The following NAALADL2 variants were observed in gnomAD, a reference collection of about 807,000 sequenced individuals.
The protein encoded by NAALADL2 is N-acetylated alpha-linked acidic dipeptidase like 2, also known as inactive N-acetylated-alpha-linked acidic dipeptidase-like protein 2.
A neutral mutation model predicts 87.2 loss-of-function variants in NAALADL2; 76 were observed. The observed-to-expected ratio is 0.87, with a 90% CI of 0.72 to 1.05. The LOEUF is 1.05. NAALADL2 is among the 50% of genes least tolerant of loss of function. The pLI is 0.00. For missense variants in NAALADL2, 1,089 were observed against 945.8 expected, an observed-to-expected ratio of 1.15 and a Z score of -1.99; for synonymous variants, 354 against 331.0, an observed-to-expected ratio of 1.07 and a Z score of -0.75.
At chr3:175,689,501 T>A (rs1036713726) in intron 11 of NAALADL2, among the ~76,000 whole-genome samples, 13 of 152,150 alleles carry the variant, frequency 8.5e-5, no homozygotes, top group Non-Finnish European at 1.6e-4. Flanking sequence ...GATTGAGTTT[T>A]AACCAGGAGC....
intron 1 of NAALADL2, among the ~76,000 whole-genome samples, chr3:174,534,657 T>C (rs1721560942): frequency 6.6e-6 from 1 of 152,194 alleles, no homozygotes; most frequent in South Asian, 2.1e-4. Flanking sequence ...ACTGGCTAGC[T>C]ATGGCTAACA....
In NAALADL2 at chr3:175,807,213, GAAC is replaced by G. The variant is rs757874885; in HGVS notation, c.*4015_*4017del. On this transcript the variant is annotated 3_prime_UTR_variant, in exon 14 of 14. Transcript: ENST00000454872. Reference sequence around the variant, plus strand: ...AAAGAAAAGCAGGTGCTGTGATTTAGAACAACAGTTTTATGTTATTTTTAAAAA... The same window carrying G: ...AAAGAAAAGCAGGTGCTGTGATTTAGAACAGTTTTATGTTATTTTTAAAAA... The G allele has an allele frequency of 5.3e-5, 8 of 151,254 alleles. No individual in the cohort carries two copies. The highest frequency in any genetic ancestry group is 1.9e-4 in the East Asian group (1 of 5,160). The allele number at this position is 151,254 out of a possible 1,614,324, so 9.4% of individuals were successfully genotyped here.
chr3:175,006,688 T>C (rs1456017676), intron 1 of NAALADL2, among the ~76,000 whole-genome samples: 1 of 151,788 alleles, frequency 6.6e-6, no homozygotes, highest in East Asian at 1.9e-4. Flanking sequence ...ATAGGGCCCT[T>C]GAGGTTTTTA....
intron 2 of NAALADL2, among the ~76,000 whole-genome samples, chr3:174,662,885 T>A (rs1255722147): frequency 6.6e-6 from 1 of 152,206 alleles, no homozygotes; most frequent in Non-Finnish European, 1.5e-5. Context: ...GTCTTCATGA[T>A]GTTATCAGTG....
intron 11 of NAALADL2, among the ~76,000 whole-genome samples, chr3:175,696,615 C>T (rs1737830636): frequency 6.6e-6 from 1 of 152,002 alleles, no homozygotes; most frequent in African/African-American, 2.4e-5. Flanking sequence ...TTTCCCTCCA[C>T]TCTAAGGGAC....
At chr3:174,495,755 C>A (rs1578024452) in intron 1 of NAALADL2, among the ~76,000 whole-genome samples, 1 of 151,458 alleles carries the variant, frequency 6.6e-6, no homozygotes, top group East Asian at 2.0e-4. Context: ...GGTGTGATAG[C>A]AAAAATGAAA....
At chr3:174,758,282 G>A (rs556958570) in intron 3 of NAALADL2, among the ~76,000 whole-genome samples, 145 of 152,162 alleles carry the variant, frequency 9.5e-4, no homozygotes, top group Non-Finnish European at 1.7e-3. Flanking sequence ...AAGGCAGCAG[G>A]ATTTAGTGAC....
intron 3 of NAALADL2, among the ~76,000 whole-genome samples, chr3:174,802,031 G>A (rs556073022): frequency 1.1e-4 from 17 of 152,006 alleles, no homozygotes; most frequent in African/African-American, 3.6e-4. Flanking sequence ...TACCACAATT[G>A]GCATTTTCAA....
At chr3:175,392,952 C>G (rs961923349) in intron 5 of NAALADL2, among the ~76,000 whole-genome samples, 4 of 152,080 alleles carry the variant, frequency 2.6e-5, no homozygotes, top group African/African-American at 9.7e-5. Flanking sequence ...AACTAAGGAA[C>G]TGGAATAGTT....
intron 1 of NAALADL2, among the ~76,000 whole-genome samples, chr3:174,449,302 T>C (rs923842341): frequency 4.6e-5 from 7 of 152,228 alleles, no homozygotes; most frequent in East Asian, 1.9e-4. Flanking sequence ...TTCTAGCTTC[T>C]TGTGAAACCT....
intron 5 of NAALADL2, among the ~76,000 whole-genome samples, chr3:175,426,417 T>C (rs1172962094): frequency 2.0e-5 from 3 of 152,168 alleles, no homozygotes; most frequent in African/African-American, 7.2e-5. Context: ...GTTATGTATT[T>C]ATAAGTAAGG....
chr3:175,337,471 C>A (rs1399031591), intron 5 of NAALADL2, among the ~76,000 whole-genome samples: 3 of 152,014 alleles, frequency 2.0e-5, no homozygotes, highest in Non-Finnish European at 2.9e-5. Context: ...CCCAATCAAC[C>A]ATGACTGGTG....
At chr3:174,832,336 A>G (rs1722821703) in intron 3 of NAALADL2, among the ~76,000 whole-genome samples, 1 of 152,072 alleles carries the variant, frequency 6.6e-6, no homozygotes, top group Non-Finnish European at 1.5e-5. Flanking sequence ...TTCAAAGAAC[A>G]TCTTTATTTC....
chr3:175,096,532 G>A (rs1659197788), intron 1 of NAALADL2, among the ~76,000 whole-genome samples: 1 of 119,328 alleles, frequency 8.4e-6, no homozygotes, highest in African/African-American at 3.1e-5. Context: ...GTGTGTGTGT[G>A]TGTGTAATTT....
intron 1 of NAALADL2, among the ~76,000 whole-genome samples, chr3:175,023,826 A>T (rs9846614): frequency 0.024 from 3,703 of 152,114 alleles, 161 homozygotes; most frequent in African/African-American, 0.085. Flanking sequence ...GATTTTTGAG[A>T]TGTCTGTTTG....
At chr3:175,733,438 A>G (rs1744059650) in intron 11 of NAALADL2, among the ~76,000 whole-genome samples, 1 of 152,188 alleles carries the variant, frequency 6.6e-6, no homozygotes, top group African/African-American at 2.4e-5. Context: ...CTATCACAAG[A>G]ATAGCATGGG....
chr3:175,243,070 AAC>A (rs145805880), intron 3 of NAALADL2, among the ~76,000 whole-genome samples: 186 of 146,780 alleles, frequency 1.3e-3, no homozygotes, highest in South Asian at 3.3e-3. Context: ...TCCTTTCCAT[AAC>A]ACACACACAC....
At chr3:174,707,208 T>G (rs183588588) in intron 2 of NAALADL2, among the ~76,000 whole-genome samples, 1 of 152,314 alleles carries the variant, frequency 6.6e-6, no homozygotes, top group East Asian at 1.9e-4. Flanking sequence ...GACTGTAAAC[T>G]AGTTCAACCG....
At chr3:175,534,709 G>A (rs566948104) in intron 9 of NAALADL2, among the ~76,000 whole-genome samples, 1 of 150,538 alleles carries the variant, frequency 6.6e-6, no homozygotes, top group African/African-American at 2.4e-5. Flanking sequence ...GTATTTAAAT[G>A]ATAAAGGAGG....
Sources: gnomAD v4.1 joint callset for allele counts (sites outside exome capture counted in the v4.1 genomes callset) on GRCh38, gnomAD v4.1.1 for gene constraint, MANE v1.5 for transcripts, NCBI Gene and HGNC (gene_info 2026-07-23, HGNC 2026-07-21) for gene names.